RP1L1: variants seen among roughly 807,000 people sequenced by gnomAD.
RP1L1 encodes retinitis pigmentosa 1-like 1 protein.
A neutral mutation model predicts 15.7 loss-of-function variants in RP1L1; 27 were observed. That is an observed-to-expected ratio of 1.72 (90% CI 1.27 to 2.38). The LOEUF is 2.38. Ranked by LOEUF, RP1L1 falls within the 30% of genes most tolerant of loss-of-function variation. The probability of loss-of-function intolerance (pLI) is 0.00; values close to 1 mark genes in which losing one functional copy is unlikely to be tolerated. For synonymous variants in RP1L1, 1,813 were observed against 1,276.7 expected, an observed-to-expected ratio of 1.42 and a Z score of -8.96; for missense variants, 4,798 against 3,075.9, an observed-to-expected ratio of 1.56 and a Z score of -13.24.
chr8:10,637,158 G>T (rs1241088733), intron 1 of RP1L1, among the ~76,000 whole-genome samples: 1 of 152,186 alleles, frequency 6.6e-6, no homozygotes, highest in African/African-American at 2.4e-5. Context: ...TTCCTGGTCA[G>T]GTTCCCGGAC....
chr8:10,611,162 G>C lies in RP1L1; in HGVS notation c.2936C>G (p.Thr979Ser). ...ILMTYELADE[T>S]TGAAGGGLRG... is the part of the protein sequence containing the mutation. ...CAGGCCACCCCCAGCTGCACCTGTG[G>C]TCTCGTCCGCCAACTCATATGTCAT... The change falls in exon 4 of 4, where the codon ACC becomes AGC. Residue 979 changes from threonine to serine, a missense_variant. By Grantham distance (58) the Thr-to-Ser change is moderately conservative (BLOSUM62 1). Coordinates refer to ENST00000382483, the MANE Select transcript of RP1L1 (RefSeq NM_178857.6). 6.2e-7 allele frequency: 1 copy of C among 1,612,952 alleles called. No homozygotes were observed. Among genetic ancestry groups the C allele is most frequent in the South Asian group, 1.1e-5 (1 of 91,088 alleles).
intron 1 of RP1L1, among the ~76,000 whole-genome samples, chr8:10,631,808 G>A (rs1049410618): frequency 6.6e-6 from 1 of 152,242 alleles, no homozygotes; most frequent in Non-Finnish European, 1.5e-5. Flanking sequence ...AGGGCGATGG[G>A]TCCTGGGGGG....
At chr8:10,645,178 T>A (rs1400872110) in intron 1 of RP1L1, among the ~76,000 whole-genome samples, 2 of 151,958 alleles carry the variant, frequency 1.3e-5, no homozygotes, top group Admixed American at 1.3e-4. Context: ...AATAAAAACA[T>A]TAGCTGGGCG....
chr8:10,606,548 A>C lies in RP1L1; in HGVS notation c.*347T>G. 3.3e-6 allele frequency: 1 copy of C among 304,140 alleles called. No individual in the cohort carries two copies. The highest frequency in any genetic ancestry group is 3.9e-5 in the South Asian group (1 of 25,668). The allele number at this position is 304,140 out of a possible 1,614,324, so 18.8% of individuals were successfully genotyped here. ...ACAGAGAGCAACACTTGCTAGCAGA[A>C]AACAAACCCACAAACAAAAGCTAAA... On this transcript the variant is annotated 3_prime_UTR_variant, in exon 4 of 4. Transcript: ENST00000382483.
chr8:10,618,291 G>A (rs1798002931), intron 2 of RP1L1, among the ~76,000 whole-genome samples: 1 of 152,122 alleles, frequency 6.6e-6, no homozygotes, highest in Non-Finnish European at 1.5e-5. Context: ...CTGGAGCCCA[G>A]GAGTTTGAGA....
At chr8:10,628,118 T>A (rs1798186240) in intron 1 of RP1L1, among the ~76,000 whole-genome samples, 1 of 152,176 alleles carries the variant, frequency 6.6e-6, no homozygotes, top group Non-Finnish European at 1.5e-5. Flanking sequence ...CCAACTAGGC[T>A]CTGCCAGTAA....
chr8:10,616,373 A>G, intron 3 of RP1L1, 73 bp downstream of exon 3: 4 of 1,596,680 alleles, frequency 2.5e-6, no homozygotes, highest in Non-Finnish European at 3.4e-6. Flanking sequence ...ATTACCTGGA[A>G]GGCTTTCCAC....
chr8:10,630,481 A>G (rs1798224637), intron 1 of RP1L1, among the ~76,000 whole-genome samples: 1 of 152,224 alleles, frequency 6.6e-6, no homozygotes, highest in South Asian at 2.1e-4. Flanking sequence ...AGAGGGGTAA[A>G]GTTTGAGAGT....
At chr8:10,641,657 C>G (rs538225795) in intron 1 of RP1L1, among the ~76,000 whole-genome samples, 3 of 152,308 alleles carry the variant, frequency 2.0e-5, no homozygotes, top group Non-Finnish European at 4.4e-5. Flanking sequence ...CACTTGCAAT[C>G]TTGGACATTT....
Position 10,611,880 on chromosome 8 carries a change from C to T in RP1L1, c.2218G>A (p.Val740Ile). ...QDLLGTSSAT[V>I]TPAVHSDFVS... ...AAATCCGAGTGGACTGCAGGGGTGA[C>T]AGTGGCACTGCTGGTTCCCAGAAGG... The change falls in exon 4 of 4, where the codon GTC (valine) becomes ATC (isoleucine). Residue 740 changes from valine to isoleucine, a missense_variant. Physicochemically the swap from Val to Ile is conservative, Grantham distance 29. Transcript: ENST00000382483. 6.2e-7 allele frequency: 1 copy of T among 1,613,880 alleles called. No individual in the cohort carries two copies. The highest frequency in any genetic ancestry group is 1.6e-4 in the Middle Eastern group (1 of 6,062).
At position 10,610,923 on chromosome 8, in the gene RP1L1, CG is replaced by C; in HGVS notation, c.3174del (p.Gly1059GlufsTer12). ...PEGVSEAPAE[A>X]GADREAPAGC... ...CCTGCTGGGGCCTCTCTGTCTGCTC[CG>C]GCCTCTGCAGGGGCCTCGGAAACTC... On this transcript the variant is annotated frameshift_variant, in exon 4 of 4. Coordinates refer to ENST00000382483, the MANE Select transcript of RP1L1 (RefSeq NM_178857.6). LOFTEE classifies it low-confidence loss of function (END_TRUNC). 1 of 1,610,948 alleles carries C rather than the reference CG, an allele frequency of 6.2e-7. No homozygotes were observed. Among genetic ancestry groups the C allele is most frequent in the Non-Finnish European group, 8.5e-7 (1 of 1,179,252 alleles).
At position 10,623,094 on chromosome 8, in the gene RP1L1, G is replaced by A. The variant is rs779116649; in HGVS notation, c.108C>T (p.Ile36=). 6 of 1,613,830 alleles carry A rather than the reference G, an allele frequency of 3.7e-6. No homozygotes were observed. The highest frequency in any genetic ancestry group is 2.2e-5 in the East Asian group (1 of 44,874). Residue 36 remains isoleucine, a synonymous_variant, in exon 2 of 4, where the codon ATC becomes ATT. Transcript: ENST00000382483. ...SVTKVTPAKK[I]TFLKRGDPRF... Reference sequence around the variant, plus strand: ...GTGGATCCCCTCGCTTGAGGAAGGTGATCTTCTTGGCTGGCGTGACCTTGG... The same window carrying A: ...GTGGATCCCCTCGCTTGAGGAAGGTAATCTTCTTGGCTGGCGTGACCTTGG...
At chr8:10,653,615 CT>C (rs1798595087) in intron 1 of RP1L1, among the ~76,000 whole-genome samples, 1 of 151,578 alleles carries the variant, frequency 6.6e-6, no homozygotes, top group South Asian at 2.1e-4. Context: ...GCACACGCAC[CT>C]GTACAAACAT....
At chr8:10,624,885 A>ATG (rs1358677398) in intron 1 of RP1L1, among the ~76,000 whole-genome samples, 1 of 152,114 alleles carries the variant, frequency 6.6e-6, no homozygotes, top group Non-Finnish European at 1.5e-5. Context: ...CCCCACTGAG[A>ATG]TGTGGGCCCC....
At chr8:10,613,372 AAAG>A in intron 3 of RP1L1, 26 bp from the exon 4 acceptor site, 1 of 1,598,972 alleles carries the variant, frequency 6.3e-7, no homozygotes, top group South Asian at 1.1e-5. Flanking sequence ...GAGGAAAAGA[AAAG>A]AAGAAAAGAC....
chr8:10,652,940 G>C (rs1025459231), intron 1 of RP1L1, among the ~76,000 whole-genome samples: 1 of 152,258 alleles, frequency 6.6e-6, no homozygotes, highest in South Asian at 2.1e-4. Context: ...TCGGTCTTTG[G>C]GGATCGATGA....
At chr8:10,628,654 A>G (rs1456964718) in intron 1 of RP1L1, among the ~76,000 whole-genome samples, 5 of 152,204 alleles carry the variant, frequency 3.3e-5, no homozygotes, top group Non-Finnish European at 4.4e-5. Context: ...CACGTTCCTG[A>G]ATATAGACTT....
rs74594406 is a variant in RP1L1 at position 10,613,247 on chromosome 8, G to C, written c.851C>G (p.Pro284Arg). The C allele has an allele frequency of 5.0e-6, 8 of 1,611,508 alleles. No individual in the cohort carries two copies. In the African/African-American group the frequency reaches 8.0e-5, roughly 16 times the overall value. Residue 284 changes from proline to arginine, a missense_variant, in exon 4 of 4, where the codon CCG (proline) becomes CGG (arginine). By Grantham distance (103) the Pro-to-Arg change is moderately radical. Coordinates refer to ENST00000382483, the MANE Select transcript of RP1L1 (RefSeq NM_178857.6). Reference sequence around the variant, plus strand: ...GTGCCTGCCAGGAGCAGGGCCCACCGGGGGGTTGCTAGGACCAGGCCTTTC... The same window carrying C: ...GTGCCTGCCAGGAGCAGGGCCCACCCGGGGGTTGCTAGGACCAGGCCTTTC... ...LPERPGPSNP[P>R]VGPAPGRHPQ...
intron 1 of RP1L1, among the ~76,000 whole-genome samples, chr8:10,632,198 G>A (rs1406606078): frequency 1.3e-5 from 2 of 152,096 alleles, no homozygotes; most frequent in Non-Finnish European, 2.9e-5. Flanking sequence ...AGCAACCAGG[G>A]GCACCAATGT....
Sources: gnomAD v4.1 joint callset for allele counts (sites outside exome capture counted in the v4.1 genomes callset) on GRCh38, gnomAD v4.1.1 for gene constraint, MANE v1.5 for transcripts, NCBI Gene and HGNC (gene_info 2026-07-23, HGNC 2026-07-21) for gene names.